Variants in SMARCA1 observed in about 807,000 individuals in gnomAD.
The protein encoded by SMARCA1 is SWI/SNF-related matrix-associated actin-dependent regulator of chromatin subfamily A member 1.
A neutral mutation model predicts 93.6 loss-of-function variants in SMARCA1; 17 were observed. That is an observed-to-expected ratio of 0.18 (90% CI 0.12 to 0.27). The LOEUF is 0.27. SMARCA1 is among the 10% of genes least tolerant of loss of function. SMARCA1 has a pLI of 1.00. For synonymous variants in SMARCA1, 271 were observed against 271.4 expected, an observed-to-expected ratio of 1.00 and a Z score of 0.01; for missense variants, 630 against 819.0, an observed-to-expected ratio of 0.77 and a Z score of 2.82.
intron 12 of SMARCA1, among the ~76,000 whole-genome samples, chrX:129,493,969 T>C (rs768903294): frequency 6.3e-5 from 7 of 111,650 alleles, no homozygotes; most frequent in Admixed American, 9.6e-5. Flanking sequence ...TCAAACGTGG[T>C]CTTCTTCTTA....
At chrX:129,474,318 G>A (rs1450972736) in intron 19 of SMARCA1, among the ~76,000 whole-genome samples, 3 of 111,543 alleles carry the variant, frequency 2.7e-5, no homozygotes, top group Non-Finnish European at 5.7e-5. Flanking sequence ...TTAATTGAAA[G>A]AAACCTCTTT....
At position 129,492,107 on chromosome X, in the gene SMARCA1, T is replaced by C. The variant is rs746990842; in HGVS notation, c.1663-14A>G. ...CTCTATTGCTTCCTTTATTTTTTAT[T>C]GATAAAGGGATAGAAGAAAAAGAGA... On this transcript the variant is annotated splice_polypyrimidine_tract_variant and intron_variant, in intron 13 of 24. Coordinates refer to ENST00000371121, the MANE Select transcript of SMARCA1 (RefSeq NM_001282874.2). 2.9e-5 allele frequency: 30 copies of C among 1,044,382 alleles called. No individual in the cohort carries two copies. In the Admixed American group the frequency reaches 6.6e-4, roughly 23 times the overall value. 86.1% of individuals were successfully genotyped at this position (1,044,382 alleles called of 1,213,427 possible). A position where few individuals can be genotyped will look rare whatever the true frequency, so the allele number is the denominator to read the frequency against.
At chrX:129,492,213 A>G in intron 13 of SMARCA1, 120 bp from the exon 14 acceptor site, 1 of 427,131 alleles carries the variant, frequency 2.3e-6, no homozygotes, top group Non-Finnish European at 4.1e-6. Context: ...CACACACTTT[A>G]TAATATTCCT....
chrX:129,449,852 T>C (rs1430137557), intron 23 of SMARCA1, among the ~76,000 whole-genome samples: 4 of 111,144 alleles, frequency 3.6e-5, no homozygotes, highest in South Asian at 7.6e-4. Context: ...GTCCAAACAT[T>C]ATAATCAAGT....
Position 129,489,091 on chromosome X carries a change from G to A in SMARCA1, c.1949-6C>T. Reference sequence around the variant, plus strand: ...CTGTTGGTCAATGAGTCTTCCTAATGATAAAAATTGAAATTGTACATATTC... The same window carrying A: ...CTGTTGGTCAATGAGTCTTCCTAATAATAAAAATTGAAATTGTACATATTC... On this transcript the variant is annotated splice_region_variant and splice_polypyrimidine_tract_variant and intron_variant, in intron 15 of 24. Transcript: ENST00000371121. The A allele has an allele frequency of 2.6e-6, 3 of 1,139,919 alleles. No homozygotes were observed. Among genetic ancestry groups the A allele is most frequent in the Non-Finnish European group, 3.6e-6 (3 of 835,723 alleles). 93.9% of individuals were successfully genotyped at this position (1,139,919 alleles called of 1,213,427 possible).
At chrX:129,450,828 AG>A (rs748806741) in intron 23 of SMARCA1, among the ~76,000 whole-genome samples, 1 of 111,733 alleles carries the variant, frequency 8.9e-6, no homozygotes, top group Non-Finnish European at 1.9e-5. Context: ...TGAACATTTA[AG>A]TGTTGGGCAA....
rs1242138359 is a variant in SMARCA1, at chrX:129,515,932, G to A, written c.491C>T (p.Thr164Ile). 2 of 1,207,983 alleles carry A rather than the reference G, an allele frequency of 1.7e-6. No individual in the cohort carries two copies. Among genetic ancestry groups the A allele is most frequent in the Middle Eastern group, 2.3e-4 (1 of 4,350 alleles). The change falls in exon 4 of 25, where the codon ACA (threonine) becomes ATA (isoleucine). Residue 164 changes from threonine to isoleucine, a missense_variant. Physicochemically the swap from Thr to Ile is moderately conservative, Grantham distance 89. Around this residue, in one of 4 missense-constraint regions of SMARCA1, gnomAD observed 382 missense variants for 537.9 expected, o/e 0.71. Coordinates refer to ENST00000371121, the MANE Select transcript of SMARCA1 (RefSeq NM_001282874.2). ...CTCAAATCTAATACACACATTAGAT[G>A]TTTTCCGACTCTCAGACAGTAGCTC... The part of the protein sequence containing the change: ...DEELLSESRK[T>I]SNVCIRFEVS...
In SMARCA1 at chrX:129,511,842, G is replaced by C; in HGVS notation, c.772C>G (p.Leu258Val). Reference sequence around the variant, plus strand: ...TCTCCGACAAAACAAATGACACGGAGAGATGGGACCCATCGTTTAAATTCA... The same window carrying C: ...TCTCCGACAAAACAAATGACACGGACAGATGGGACCCATCGTTTAAATTCA... ...MNEFKRWVPS[L>V]RVICFVGDKD... The change falls in exon 6 of 25, where the codon CTC (leucine) becomes GTC (valine). Residue 258 changes from leucine (L) to valine (V), a missense_variant. Physicochemically the swap from Leu to Val is conservative, Grantham distance 32 (BLOSUM62 1). Transcript: ENST00000371121. 1 of 1,203,679 alleles carries C rather than the reference G, an allele frequency of 8.3e-7. No homozygotes were observed. Among genetic ancestry groups the C allele is most frequent in the Admixed American group, 2.2e-5 (1 of 45,184 alleles).
At chrX:129,509,290 A>G (rs977680339) in intron 6 of SMARCA1, among the ~76,000 whole-genome samples, 1 of 111,587 alleles carries the variant, frequency 9.0e-6, no homozygotes. Context: ...ACTATGCACT[A>G]AACACACTGC....
chrX:129,496,603 G>T, intron 12 of SMARCA1, 147 bp downstream of exon 12: 1 of 464,445 alleles, frequency 2.2e-6, no homozygotes, highest in Non-Finnish European at 3.6e-6. Context: ...AAGCCACACT[G>T]AAGATTGAAG....
At position 129,487,112 on chromosome X, in the gene SMARCA1, T is replaced by G. The variant is rs763945114; in HGVS notation, c.2123A>C (p.Gln708Pro). The G allele has an allele frequency of 1.7e-6, 2 of 1,173,625 alleles. No individual in the cohort carries two copies. Among genetic ancestry groups the G allele is most frequent in the Non-Finnish European group, 2.3e-6 (2 of 866,843 alleles). Residue 708 changes from glutamine (Q) to proline (P), a missense_variant, in exon 17 of 25, where the codon CAA becomes CCA. Coordinates refer to ENST00000371121, the MANE Select transcript of SMARCA1 (RefSeq NM_001282874.2). The stretch of plus-strand genomic sequence containing the variant: ...TCTTAGAGAAGACTCTCCCATTTTT[T>G]GCAGGCGTTCATTCATCTCTGCAGT... ...KKTAEMNERL[Q>P]KMGESSLRNF...
intron 17 of SMARCA1, among the ~76,000 whole-genome samples, chrX:129,482,036 A>G (rs1405112419): frequency 4.1e-5 from 4 of 96,964 alleles, no homozygotes; most frequent in South Asian, 1.1e-3. Flanking sequence ...TTGTAGGGAC[A>G]TGGATGAAAT....
At chrX:129,494,482 A>G (rs1053691692) in intron 12 of SMARCA1, among the ~76,000 whole-genome samples, 3 of 111,688 alleles carry the variant, frequency 2.7e-5, no homozygotes, top group Non-Finnish European at 5.6e-5. Context: ...TAATATGAAA[A>G]GGGTCTGTGT....
At chrX:129,477,296 T>G (rs1007092736) in intron 19 of SMARCA1, among the ~76,000 whole-genome samples, 1 of 111,935 alleles carries the variant, frequency 8.9e-6, no homozygotes, top group African/African-American at 3.3e-5. Flanking sequence ...GGCTCACACC[T>G]GTAATCCCAG....
At chrX:129,450,764 G>A (rs1932251820) in intron 23 of SMARCA1, among the ~76,000 whole-genome samples, 1 of 111,042 alleles carries the variant, frequency 9.0e-6, no homozygotes, top group African/African-American at 3.3e-5. Context: ...TAGGACTACT[G>A]ATAACTTTTA....
intron 22 of SMARCA1, 42 bp from the exon 23 acceptor site, chrX:129,465,774 G>A: frequency 9.4e-7 from 1 of 1,063,703 alleles, no homozygotes; most frequent in Non-Finnish European, 1.3e-6. Context: ...TGAATGTGCA[G>A]TAAGAAGTCA....
chrX:129,481,747 T>C (rs1229802525), intron 17 of SMARCA1, among the ~76,000 whole-genome samples: 2 of 111,675 alleles, frequency 1.8e-5, no homozygotes, highest in African/African-American at 6.5e-5. Context: ...CTGTAACTAG[T>C]TCAACCCTTG....
chrX:129,475,915 A>T (rs1933360844), intron 19 of SMARCA1, among the ~76,000 whole-genome samples: 1 of 112,473 alleles, frequency 8.9e-6, no homozygotes, highest in East Asian at 2.8e-4. Context: ...ACACATTACC[A>T]AAACTCACAA....
At chrX:129,511,247 TAC>T (rs1171021083) in intron 6 of SMARCA1, among the ~76,000 whole-genome samples, 3 of 111,632 alleles carry the variant, frequency 2.7e-5, no homozygotes, top group Non-Finnish European at 5.6e-5. Flanking sequence ...TGAGAATATA[TAC>T]AGACATGTAT....
Sources: allele counts gnomAD v4.1 joint callset (sites outside exome capture counted in the v4.1 genomes callset), GRCh38; gene constraint gnomAD v4.1.1; regional missense constraint gnomAD v4.1.1; transcripts MANE v1.5; gene names NCBI Gene and HGNC (gene_info 2026-07-23, HGNC 2026-07-21).